Variants in CSMD3 observed in about 807,000 individuals in gnomAD.
CSMD3 encodes CUB and Sushi multiple domains 3, also known as CUB and sushi domain-containing protein 3.
In CSMD3, 177 loss-of-function variants were observed where a neutral mutation model predicts 435.2. The observed-to-expected ratio is 0.41, with a 90% confidence interval of 0.36 to 0.46. CSMD3 has a LOEUF of 0.46. Ranked by LOEUF, CSMD3 falls within the 20% of genes least tolerant of loss-of-function variation. CSMD3 has a pLI of 0.34. For synonymous variants in CSMD3, 1,656 were observed against 1,520.5 expected (o/e 1.09, Z -2.07); for missense variants, 4,265 against 4,504.6 (o/e 0.95, Z 1.52).
chr8:112,351,039 A>C (rs1826093043), intron 40 of CSMD3, 136 bp downstream of exon 40: 1 of 515,086 alleles, frequency 1.9e-6, no homozygotes, highest in African/African-American at 1.9e-5. Context: ...AGATCTGGTA[A>C]AAGGCAAACT....
In CSMD3 at chr8:112,854,292, T is replaced by C. The variant is rs139145943; in HGVS notation, c.1755+4853A>G. Among the ~76,000 whole-genome samples, 447 of 152,282 alleles carry C rather than the reference T, an allele frequency of 2.9e-3. 6 individuals are homozygous for C. Among genetic ancestry groups the C allele is most frequent in the East Asian group, 0.013 (68 of 5,172 alleles). ...TTTTGTGGGAGTGGTTTGCTTATTTTTTGGTCTTGCCAGAGCTGAGTTCTT... is the reference window on the plus strand; with the variant it reads ...TTTTGTGGGAGTGGTTTGCTTATTTCTTGGTCTTGCCAGAGCTGAGTTCTT... On this transcript the variant is annotated intron_variant, in intron 11 of 70. Coordinates refer to ENST00000297405, the MANE Select transcript of CSMD3 (RefSeq NM_198123.2).
intron 3 of CSMD3, among the ~76,000 whole-genome samples, chr8:113,240,606 T>A (rs1313655743): frequency 6.6e-6 from 1 of 152,178 alleles, no homozygotes; most frequent in African/African-American, 2.4e-5. Flanking sequence ...ACCCATATGT[T>A]TATCTTGTTT....
chr8:113,335,675 A>G (rs574323164), intron 1 of CSMD3, among the ~76,000 whole-genome samples: 29 of 150,940 alleles, frequency 1.9e-4, no homozygotes, highest in African/African-American at 7.1e-4. Flanking sequence ...TGGATATTAC[A>G]ATGTTGTGAG....
At chr8:112,602,147 G>A (rs1832405232) in intron 22 of CSMD3, among the ~76,000 whole-genome samples, 1 of 152,064 alleles carries the variant, frequency 6.6e-6, no homozygotes. Context: ...ATGTTATTGG[G>A]AGACCCCCAA....
chr8:112,902,485 C>A (rs2082131957), intron 10 of CSMD3, among the ~76,000 whole-genome samples: 1 of 151,234 alleles, frequency 6.6e-6, no homozygotes, highest in African/African-American at 2.4e-5. Flanking sequence ...TTCTACTCTG[C>A]TATCTGGTGC....
intron 36 of CSMD3, 142 bp downstream of exon 36, chr8:112,390,522 A>G: frequency 1.4e-6 from 1 of 722,936 alleles, no homozygotes; most frequent in Non-Finnish European, 2.3e-6. Context: ...AAAAAAATTA[A>G]TAACAAATAT....
chr8:113,248,477 G>GTATATATATATACATA (rs1491296994), intron 3 of CSMD3, among the ~76,000 whole-genome samples: 1 of 133,024 alleles, frequency 7.5e-6, no homozygotes, highest in Admixed American at 7.7e-5. Context: ...TGATATATAT[G>GTATATATATATACATA]TATATATACA....
chr8:113,106,812 A>G (rs1247933936), intron 4 of CSMD3, among the ~76,000 whole-genome samples: 1 of 152,132 alleles, frequency 6.6e-6, no homozygotes, highest in Non-Finnish European at 1.5e-5. Flanking sequence ...TAGAATTGCA[A>G]TCTTTGTTAT....
intron 24 of CSMD3, among the ~76,000 whole-genome samples, chr8:112,569,357 T>G (rs1219601247): frequency 6.6e-6 from 1 of 152,142 alleles, no homozygotes; most frequent in Non-Finnish European, 1.5e-5. Context: ...TCACTTTTTC[T>G]TATATGAACA....
chr8:112,466,822 T>C (rs1196037913), intron 32 of CSMD3, among the ~76,000 whole-genome samples: 4 of 152,086 alleles, frequency 2.6e-5, no homozygotes, highest in Non-Finnish European at 5.9e-5. Flanking sequence ...TTAGTGAATA[T>C]AATAAAAATT....
intron 6 of CSMD3, among the ~76,000 whole-genome samples, chr8:113,012,798 G>C (rs894459044): frequency 6.6e-6 from 1 of 151,898 alleles, no homozygotes; most frequent in Non-Finnish European, 1.5e-5. Flanking sequence ...ACATCCCTTT[G>C]ATAATACAGT....
chr8:112,450,346 GGT>G (rs1344857325), intron 32 of CSMD3, among the ~76,000 whole-genome samples: 2 of 152,016 alleles, frequency 1.3e-5, no homozygotes, highest in African/African-American at 4.8e-5. Context: ...TATACAGAAT[GGT>G]GTATATCACA....
At chr8:113,135,783 CTG>C (rs1333566423) in intron 4 of CSMD3, among the ~76,000 whole-genome samples, 1 of 151,798 alleles carries the variant, frequency 6.6e-6, no homozygotes, top group Admixed American at 6.6e-5. Context: ...TTTGAGGAGA[CTG>C]GACCTTTTCC....
intron 32 of CSMD3, among the ~76,000 whole-genome samples, chr8:112,413,053 C>G (rs1323563047): frequency 6.6e-6 from 1 of 152,014 alleles, no homozygotes; most frequent in Non-Finnish European, 1.5e-5. Context: ...GTGGAGTTCT[C>G]GACCACATTT....
At chr8:113,143,384 G>T (rs1050856724) in intron 4 of CSMD3, among the ~76,000 whole-genome samples, 1 of 151,336 alleles carries the variant, frequency 6.6e-6, no homozygotes, top group African/African-American at 2.4e-5. Flanking sequence ...AACAGAAAAT[G>T]GTACAGGCAC....
chr8:112,438,835 G>A (rs1055659910), intron 32 of CSMD3, among the ~76,000 whole-genome samples: 5 of 152,116 alleles, frequency 3.3e-5, no homozygotes, highest in African/African-American at 1.2e-4. Flanking sequence ...ACCAAATTCA[G>A]TATAATTGTG....
chr8:113,039,460 T>C (rs537137804), intron 5 of CSMD3, among the ~76,000 whole-genome samples: 2 of 152,174 alleles, frequency 1.3e-5, no homozygotes, highest in African/African-American at 4.8e-5. Context: ...ACAGACACAA[T>C]TTACATACAC....
chr8:112,841,049 G>T (rs1026912049), intron 11 of CSMD3, among the ~76,000 whole-genome samples: 15 of 151,706 alleles, frequency 9.9e-5, no homozygotes, highest in African/African-American at 3.6e-4. Flanking sequence ...TTTAAAGAAA[G>T]ATAAATCAAG....
At chr8:112,300,298 A>T (rs1038104660) in intron 53 of CSMD3, among the ~76,000 whole-genome samples, 2 of 148,280 alleles carry the variant, frequency 1.3e-5, no homozygotes, top group Non-Finnish European at 3.0e-5. Flanking sequence ...AATTATATAT[A>T]AATTTAAAAA....
Sources: gnomAD v4.1 joint callset for allele counts (sites outside exome capture counted in the v4.1 genomes callset) on GRCh38, gnomAD v4.1.1 for gene constraint, MANE v1.5 for transcripts, NCBI Gene and HGNC (gene_info 2026-07-23, HGNC 2026-07-21) for gene names.